HTR1F: variants seen among roughly 807,000 people sequenced by gnomAD.
The protein encoded by HTR1F is 5-hydroxytryptamine receptor 1F.
In HTR1F, 17 loss-of-function variants were observed where a neutral mutation model predicts 24.0. The ratio of observed to expected loss-of-function variants is 0.71; its 90% confidence interval spans 0.48 to 1.06. The LOEUF is 1.06. HTR1F is among the 50% of genes least tolerant of loss of function. The pLI is 0.00. For missense variants in HTR1F, 391 were observed against 427.8 expected (o/e 0.91, Z 0.76); for synonymous variants, 186 against 156.8 (o/e 1.19, Z -1.39).
chr3:87,990,828 TC>T lies in HTR1F; in HGVS notation c.82del (p.Leu28SerfsTer8). ...CAGAATGCCATCCAAAATTCTGGTGTCCCTCACTCTGTCTGGGCTGGCACTG... is the reference window on the plus strand; with the variant it reads ...CAGAATGCCATCCAAAATTCTGGTGTCCTCACTCTGTCTGGGCTGGCACTG... ...LNRMPSKILV[S>X]LTLSGLALMT... On this transcript the variant is annotated frameshift_variant, in exon 3 of 3. Transcript: ENST00000319595. LOFTEE classifies it high-confidence loss of function. 3.1e-6 allele frequency: 5 copies of T among 1,614,050 alleles called. No individual in the cohort carries two copies. Among genetic ancestry groups the T allele is most frequent in the Non-Finnish European group, 4.2e-6 (5 of 1,179,906 alleles).
At chr3:87,793,670 T>C (rs996588214) in intron 1 of HTR1F, 3 of 152,032 alleles carry the variant, frequency 2.0e-5, no homozygotes, top group Admixed American at 2.0e-4. Flanking sequence ...GAGGTTCCAA[T>C]GCTGGATGTG....
chr3:87,870,112 CA>C lies in HTR1F; in HGVS notation c.-43+47989del, dbSNP rs1705522611. Among the ~76,000 whole-genome samples the C allele has an allele frequency of 3.9e-5, 6 of 152,136 alleles. No individual in the cohort carries two copies. The South Asian group carries it at 1.2e-3, about 32-fold the overall frequency. ...GGGAAGGAATCAAATATTTACTGAG[CA>C]CCATCTATGTAACAGGTATTGTACA... On this transcript the variant is annotated intron_variant, in intron 2 of 2. Coordinates refer to ENST00000319595, the MANE Select transcript of HTR1F (RefSeq NM_001322209.2).
intron 2 of HTR1F, among the ~76,000 whole-genome samples, chr3:87,842,307 C>A (rs971497406): frequency 6.6e-6 from 1 of 151,484 alleles, no homozygotes; most frequent in African/African-American, 2.4e-5. Flanking sequence ...ATTATAGGCG[C>A]CCACCACCAC....
chr3:87,960,797 A>G (rs1295280431), intron 2 of HTR1F, among the ~76,000 whole-genome samples: 1 of 151,946 alleles, frequency 6.6e-6, no homozygotes. Context: ...CTGTAATCAG[A>G]GTGAGTCGTT....
At chr3:87,820,559 A>C (rs1370503378) in intron 1 of HTR1F, among the ~76,000 whole-genome samples, 2 of 152,176 alleles carry the variant, frequency 1.3e-5, no homozygotes, top group Non-Finnish European at 2.9e-5. Flanking sequence ...ATACCATCAA[A>C]GATGTAGTCA....
intron 2 of HTR1F, among the ~76,000 whole-genome samples, chr3:87,939,633 C>A (rs1704512188): frequency 1.3e-5 from 2 of 152,154 alleles, no homozygotes; most frequent in South Asian, 4.1e-4. Flanking sequence ...TTATCTATTT[C>A]TTCTAGATTT....
chr3:87,873,133 C>CAGAGAG (rs3079048), intron 2 of HTR1F, among the ~76,000 whole-genome samples: 2,020 of 130,254 alleles, frequency 0.016, 48 homozygotes, highest in African/African-American at 0.048. Flanking sequence ...CACACACACA[C>CAGAGAG]AGAGAGATTT....
chr3:87,879,986 A>G (rs1366808498), intron 2 of HTR1F, among the ~76,000 whole-genome samples: 1 of 152,162 alleles, frequency 6.6e-6, no homozygotes, highest in Non-Finnish European at 1.5e-5. Flanking sequence ...TAACATCTAA[A>G]CAGTATTTTT....
At chr3:87,978,157 T>C (rs769657485) in intron 2 of HTR1F, among the ~76,000 whole-genome samples, 1 of 152,132 alleles carries the variant, frequency 6.6e-6, no homozygotes, top group Non-Finnish European at 1.5e-5. Flanking sequence ...GGTTCCATTG[T>C]GGGCACCCAC....
At chr3:87,883,447 A>T (rs1412649076) in intron 2 of HTR1F, among the ~76,000 whole-genome samples, 1 of 152,206 alleles carries the variant, frequency 6.6e-6, no homozygotes, top group Admixed American at 6.5e-5. Context: ...TGCCAGCAAC[A>T]GAACAAAGCT....
intron 2 of HTR1F, among the ~76,000 whole-genome samples, chr3:87,951,730 A>G (rs1704837801): frequency 6.6e-6 from 1 of 152,090 alleles, no homozygotes; most frequent in African/African-American, 2.4e-5. Context: ...AGGCAAATAT[A>G]TAGTTATATG....
intron 2 of HTR1F, among the ~76,000 whole-genome samples, chr3:87,924,750 G>C (rs985937503): frequency 6.6e-6 from 1 of 152,090 alleles, no homozygotes; most frequent in Admixed American, 6.6e-5. Flanking sequence ...TCTAATGAGG[G>C]TTCCTTCATA....
At chr3:87,908,403 G>C (rs986583800) in intron 2 of HTR1F, among the ~76,000 whole-genome samples, 1 of 151,782 alleles carries the variant, frequency 6.6e-6, no homozygotes, top group Non-Finnish European at 1.5e-5. Context: ...AAGTCTTCTC[G>C]GTACCTTATT....
In HTR1F at chr3:87,814,152, T is replaced by C. The variant is rs111371600; in HGVS notation, c.-159-7856T>C. On this transcript the variant is annotated intron_variant, in intron 1 of 2. Transcript: ENST00000319595. ...TAATGAATGACGCAATGTGGTAAAA[T>C]TGAAAATGACTGAGACCATAAAATC... Among the ~76,000 whole-genome samples, 778 of 152,276 alleles carry C rather than the reference T, an allele frequency of 5.1e-3. 8 individuals are homozygous for C. The highest frequency in any genetic ancestry group is 0.047 in the South Asian group (226 of 4,824).
intron 2 of HTR1F, among the ~76,000 whole-genome samples, chr3:87,869,430 TA>T (rs1232511351): frequency 1.4e-5 from 2 of 138,956 alleles, no homozygotes; most frequent in Non-Finnish European, 3.1e-5. Context: ...GATAGATAGA[TA>T]GATACATAGA....
intron 2 of HTR1F, among the ~76,000 whole-genome samples, chr3:87,943,600 T>C (rs2107445131): frequency 6.6e-6 from 1 of 152,142 alleles, no homozygotes; most frequent in South Asian, 2.1e-4. Flanking sequence ...GATGCTGGGG[T>C]AGGGAGGTAG....
intron 2 of HTR1F, among the ~76,000 whole-genome samples, chr3:87,928,505 T>C (rs1460087196): frequency 2.0e-5 from 3 of 152,192 alleles, no homozygotes; most frequent in Non-Finnish European, 4.4e-5. Context: ...TATATTATTT[T>C]CTGTGTCCCT....
chr3:87,869,000 G>A (rs1705486430), intron 2 of HTR1F, among the ~76,000 whole-genome samples: 1 of 151,800 alleles, frequency 6.6e-6, no homozygotes, highest in East Asian at 1.9e-4. Flanking sequence ...ATGAACCTTT[G>A]AATTTTTTTC....
intron 2 of HTR1F, among the ~76,000 whole-genome samples, chr3:87,916,425 G>T (rs1204153088): frequency 6.6e-6 from 1 of 150,506 alleles, no homozygotes; most frequent in Non-Finnish European, 1.5e-5. Context: ...CCTCTTAAAA[G>T]ATACAGAACT....
Sources: gnomAD v4.1 joint callset for allele counts (sites outside exome capture counted in the v4.1 genomes callset) on GRCh38, gnomAD v4.1.1 for gene constraint, MANE v1.5 for transcripts, NCBI Gene and HGNC (gene_info 2026-07-23, HGNC 2026-07-21) for gene names.